Variants in PSG8 observed in about 807,000 individuals in gnomAD.
PSG8 encodes the protein pregnancy specific beta-1-glycoprotein 8.
A neutral mutation model predicts 42.5 loss-of-function variants in PSG8; 57 were observed. That is an observed-to-expected ratio of 1.34 (90% confidence interval 1.08 to 1.67). PSG8 has a LOEUF of 1.67. Among genes scored for constraint, PSG8 ranks in the 40% most tolerant of loss-of-function variants. PSG8 has a pLI of 0.00. For missense variants in PSG8, 783 were observed against 518.6 expected, an observed-to-expected ratio of 1.51 and a Z score of -4.95; for synonymous variants, 280 against 196.8, an observed-to-expected ratio of 1.42 and a Z score of -3.54.
rs565506508 is a variant in PSG8, at chr19:42,762,057, G to A, written c.430+1859C>T. On this transcript the variant is annotated intron_variant, in intron 2 of 4. Transcript: ENST00000306511. ...GGAGTGGCAACTCCAGGTGATTTCT[G>A]CACCTTTCCTATTTCCTGGGAGGTG... 2.0e-5 allele frequency among the ~76,000 whole-genome samples: 3 copies of A among 151,882 alleles called. No individual in the cohort carries two copies. The East Asian group carries it at 5.8e-4, about 29-fold the overall frequency.
chr19:42,764,354 T>G (rs1168371780), intron 1 of PSG8, 73 bp from the exon 2 acceptor site: 1 of 1,547,630 alleles, frequency 6.5e-7, no homozygotes, highest in Non-Finnish European at 8.7e-7. Flanking sequence ...CCCTGGGTCC[T>G]GAGAAGTTCT....
chr19:42,757,539 A>G (rs10406779), intron 3 of PSG8, among the ~76,000 whole-genome samples: 4,582 of 151,934 alleles, frequency 0.03, 217 homozygotes, highest in African/African-American at 0.1. Context: ...GAGCTTGGGG[A>G]CTTCCCCTGT....
downstream of PSG8, chr19:42,754,123 T>A: frequency 1.5e-6 from 2 of 1,304,824 alleles, no homozygotes; most frequent in East Asian, 2.4e-5. Flanking sequence ...TCCTGCTTGG[T>A]CTAGGCTGGG....
chr19:42,762,318 C>G (rs1600419092), intron 2 of PSG8, among the ~76,000 whole-genome samples: 1 of 152,062 alleles, frequency 6.6e-6, no homozygotes, highest in African/African-American at 2.4e-5. Context: ...GCCCCCAGCT[C>G]CACAGTCCAG....
intron 2 of PSG8, 48 bp from the exon 3 acceptor site, chr19:42,758,328 C>T (rs780501282): frequency 7.6e-6 from 12 of 1,582,756 alleles, no homozygotes; most frequent in South Asian, 3.5e-5. Flanking sequence ...ACCTTTGATT[C>T]CTCCAAAGGC....
Position 42,754,303 on chromosome 19 carries a change from C to G in PSG8, c.1273G>C (p.Gly425Arg), listed in dbSNP as rs757075733. Reference protein sequence around the residue: ...GKRIPVSLAIGI With the variant: ...GKRIPVSLAIRI ...GGCCAGATAGACTCCACCTAAATCC[C>G]TATTGCCAAGGATACTGGGATCCGC... Residue 425 changes from glycine to arginine, a missense_variant, in exon 5 of 5, where the codon GGG becomes CGG. Coordinates refer to ENST00000306511, the MANE Select transcript of PSG8 (RefSeq NM_182707.3). 6 of 1,613,428 alleles carry G rather than the reference C, an allele frequency of 3.7e-6. No individual in the cohort carries two copies. Among genetic ancestry groups the G allele is most frequent in the South Asian group, 2.2e-5 (2 of 91,044 alleles).
Position 42,763,924 on chromosome 19 carries a change from G to A in PSG8, c.422C>T (p.Thr141Ile), listed in dbSNP as rs761475929. Residue 141 changes from threonine (T) to isoleucine (I), a missense_variant, in exon 2 of 5, where the codon ACC (threonine) becomes ATC (isoleucine). Physicochemically the swap from Thr to Ile is moderately conservative, Grantham distance 89. Coordinates refer to ENST00000306511, the MANE Select transcript of PSG8 (RefSeq NM_182707.3). The stretch of plus-strand genomic sequence containing the variant: ...CATGTGGAATCACTCACGATATAAG[G>A]TGAAGGTGAAATGTCCAGTTACTCC... ...NRGVTGHFTF[T>I]LYLETPKPSI... is the part of the protein sequence containing the mutation. 82 of 1,613,602 alleles carry A rather than the reference G, an allele frequency of 5.1e-5. No individual in the cohort carries two copies. The East Asian group carries it at 1.8e-3, about 35-fold the overall frequency.
Position 42,765,468 on chromosome 19 carries a change from A to G in PSG8, c.64+50T>C, listed in dbSNP as rs753979788. On this transcript the variant is annotated intron_variant, in intron 1 of 4. Transcript: ENST00000306511. ...CCATACTCTCAAGGAGACCCCATCC[A>G]GTCACTCTGCTTCCTCCTCCTGTCC... is the stretch of plus-strand genomic sequence containing the variant. 2.5e-5 allele frequency: 40 copies of G among 1,604,518 alleles called. No individual in the cohort carries two copies. The Middle Eastern group carries it at 1.7e-3, about 68-fold the overall frequency.
chr19:42,754,775 C>G, intron 4 of PSG8, 188 bp from the exon 5 acceptor site: 5 of 1,404,874 alleles, frequency 3.6e-6, no homozygotes, highest in Non-Finnish European at 4.7e-6. Flanking sequence ...CTGTGGGCCC[C>G]AAGTCTCCCA....
intron 2 of PSG8, among the ~76,000 whole-genome samples, chr19:42,762,846 C>G (rs749450831): frequency 6.6e-6 from 1 of 152,074 alleles, no homozygotes; most frequent in Admixed American, 6.5e-5. Flanking sequence ...AGGTTTTGAG[C>G]CAATAAATGA....
At chr19:42,760,193 A>G (rs564222096) in intron 2 of PSG8, among the ~76,000 whole-genome samples, 1 of 152,242 alleles carries the variant, frequency 6.6e-6, no homozygotes, top group Admixed American at 6.5e-5. Context: ...TGAGATGGCA[A>G]TGGCTCATGT....
At chr19:42,754,025 C>A, downstream of PSG8, 1 of 885,130 alleles carries the variant, frequency 1.1e-6, no homozygotes, top group Non-Finnish European at 1.7e-6. Flanking sequence ...AGAAAACAAA[C>A]CATTTAAAGA....
chr19:42,754,552 T>C lies in PSG8; in HGVS notation c.1024A>G (p.Thr342Ala). Residue 342 changes from threonine to alanine, a missense_variant, in exon 5 of 5, where the codon ACC becomes GCC. Transcript: ENST00000306511. ...AGGACTTCTCCTGAACGGTAATAGG[T>C]GAATGAAGGGTAAATTCTGGGGAGG... is the stretch of plus-strand genomic sequence containing the variant. ...PDLPRIYPSF[T>A]YYRSGEVLYL... 1 of 1,613,338 alleles carries C rather than the reference T, an allele frequency of 6.2e-7. No homozygotes were observed. The highest frequency in any genetic ancestry group is 8.5e-7 in the Non-Finnish European group (1 of 1,179,584).
intron 2 of PSG8, among the ~76,000 whole-genome samples, chr19:42,762,753 G>A (rs547059104): frequency 1.2e-4 from 19 of 152,224 alleles, no homozygotes; most frequent in African/African-American, 4.1e-4. Context: ...TGATGGTTGA[G>A]GCAGGTGATT....
At chr19:42,757,071 C>G (rs547143516) in intron 3 of PSG8, among the ~76,000 whole-genome samples, 4 of 152,144 alleles carry the variant, frequency 2.6e-5, no homozygotes, top group Non-Finnish European at 5.9e-5. Flanking sequence ...AAACTTATTC[C>G]AAAATATTTT....
At chr19:42,752,902 A>T (rs1022748969), downstream of PSG8, 7 of 284,242 alleles carry the variant, frequency 2.5e-5, no homozygotes, top group Admixed American at 2.8e-4. Context: ...GGAGTCCTGT[A>T]TGCAAGGTGG....
Position 42,764,033 on chromosome 19 carries a change from C to G in PSG8, c.313G>C (p.Ala105Pro). Residue 105 changes from alanine (A) to proline (P), a missense_variant, in exon 2 of 5, where the codon GCA (alanine) becomes CCA (proline). Transcript: ENST00000306511. ...GTGACATTCTGGATCAGCAGGGATG[C>G]ATTGGAATATATTGTTTCTCGTCCA... ...YSGRETIYSN[A>P]SLLIQNVTQE... 1.9e-6 allele frequency: 3 copies of G among 1,613,758 alleles called. No homozygotes were observed. The highest frequency in any genetic ancestry group is 2.5e-6 in the Non-Finnish European group (3 of 1,179,866).
At chr19:42,760,063 C>T (rs191993444) in intron 2 of PSG8, among the ~76,000 whole-genome samples, 1 of 152,056 alleles carries the variant, frequency 6.6e-6, no homozygotes, top group African/African-American at 2.4e-5. Context: ...AAATTCTGTG[C>T]AGAGTTAGGA....
chr19:42,753,100 G>C, downstream of PSG8: 1 of 627,434 alleles, frequency 1.6e-6, no homozygotes, highest in Non-Finnish European at 2.9e-6. Flanking sequence ...ATGATGGGGA[G>C]TCTTGTTCTG....
Sources: gnomAD v4.1 joint callset for allele counts (sites outside exome capture counted in the v4.1 genomes callset) on GRCh38, gnomAD v4.1.1 for gene constraint, MANE v1.5 for transcripts, NCBI Gene and HGNC (gene_info 2026-07-23, HGNC 2026-07-21) for gene names.